ALDH1A1: variants seen among roughly 807,000 people sequenced by gnomAD.
ALDH1A1 encodes the protein aldehyde dehydrogenase 1A1.
A neutral mutation model predicts 62.1 loss-of-function variants in ALDH1A1; 19 were observed. The ratio of observed to expected loss-of-function variants is 0.31; its 90% CI spans 0.21 to 0.45. ALDH1A1 has a LOEUF of 0.45. Ranked by LOEUF, ALDH1A1 falls within the 20% of genes least tolerant of loss-of-function variation. The probability of loss-of-function intolerance (pLI) is 1.00; values close to 1 mark genes in which losing one functional copy is unlikely to be tolerated. For missense variants in ALDH1A1, 521 were observed against 607.1 expected (o/e 0.86, Z 1.49); for synonymous variants, 231 against 215.9 (o/e 1.07, Z -0.61).
At chr9:72,944,576 A>G (rs563167886) in intron 1 of ALDH1A1, among the ~76,000 whole-genome samples, 1 of 152,166 alleles carries the variant, frequency 6.6e-6, no homozygotes, top group Admixed American at 6.6e-5. Flanking sequence ...TCCTATAGTT[A>G]TATTAATGGT....
chr9:72,918,722 T>C lies in ALDH1A1; in HGVS notation c.848A>G (p.Asp283Gly), dbSNP rs999062672. 4 of 1,594,088 alleles carry C rather than the reference T, an allele frequency of 2.5e-6. No homozygotes were observed. The change falls in exon 8 of 13, where the codon GAC (aspartate) becomes GGC (glycine). Residue 283 changes from aspartate (D) to glycine (G), a missense_variant and splice_region_variant. By Grantham distance (94) the Asp-to-Gly change is moderately conservative. Coordinates refer to ENST00000297785, the MANE Select transcript of ALDH1A1 (RefSeq NM_000689.5). Reference protein sequence around the residue: ...KSPCIVLADADLDNAVEFAHH... With the variant: ...KSPCIVLADAGLDNAVEFAHH... Reference sequence around the variant, plus strand: ...TTAACAAAGTGGTTTCTACTCACAGTCGGCATCAGCTAACACAATGCAAGG... The same window carrying C: ...TTAACAAAGTGGTTTCTACTCACAGCCGGCATCAGCTAACACAATGCAAGG...
At chr9:72,901,546 CT>C (rs1229794856) in intron 12 of ALDH1A1, among the ~76,000 whole-genome samples, 1 of 151,986 alleles carries the variant, frequency 6.6e-6, no homozygotes, top group African/African-American at 2.4e-5. Context: ...AAATTGTCCC[CT>C]TTTGACATTA....
In ALDH1A1 at chr9:72,918,788, C is replaced by G. The variant is rs769242934; in HGVS notation, c.782G>C (p.Ser261Thr). Residue 261 changes from serine (S) to threonine (T), a missense_variant, in exon 8 of 13, where the codon AGC becomes ACC. Coordinates refer to ENST00000297785, the MANE Select transcript of ALDH1A1 (RefSeq NM_000689.5). ...GKLIKEAAGK[S>T]NLKRVTLELG... Reference sequence around the variant, plus strand: ...CTCCAGGGTCACCCTCTTCAGATTGCTTTTCCCGGCAGCTTCTTTGATCAA... The same window carrying G: ...CTCCAGGGTCACCCTCTTCAGATTGGTTTTCCCGGCAGCTTCTTTGATCAA... 1 of 1,614,024 alleles carries G rather than the reference C, an allele frequency of 6.2e-7. No homozygotes were observed.
chr9:72,946,074 C>T (rs1444329396), intron 1 of ALDH1A1, among the ~76,000 whole-genome samples: 1 of 151,852 alleles, frequency 6.6e-6, no homozygotes, highest in African/African-American at 2.4e-5. Context: ...ATCACTGTGT[C>T]CTAGAGATGA....
chr9:72,913,976 C>T (rs1830025807), intron 9 of ALDH1A1, among the ~76,000 whole-genome samples: 1 of 152,198 alleles, frequency 6.6e-6, no homozygotes, highest in African/African-American at 2.4e-5. Flanking sequence ...CAGAAGGCAT[C>T]AGGCTGACCA....
At chr9:72,923,528 C>G (rs1370995802) in intron 7 of ALDH1A1, among the ~76,000 whole-genome samples, 1 of 152,066 alleles carries the variant, frequency 6.6e-6, no homozygotes, top group Non-Finnish European at 1.5e-5. Context: ...TTAGGATGGT[C>G]AAGTTCAAGC....
intron 8 of ALDH1A1, among the ~76,000 whole-genome samples, chr9:72,917,640 T>A (rs555196303): frequency 6.6e-6 from 1 of 152,196 alleles, no homozygotes; most frequent in Non-Finnish European, 1.5e-5. Context: ...ACTCACCTTA[T>A]GATTTTATTC....
At position 72,902,766 on chromosome 9, in the gene ALDH1A1, A is replaced by G. The variant is rs1829821580; in HGVS notation, c.1434-1486T>C. On this transcript the variant is annotated intron_variant, in intron 12 of 12. Coordinates refer to ENST00000297785, the MANE Select transcript of ALDH1A1 (RefSeq NM_000689.5). ...CTATATCTACGACATAGCCCCAAAC[A>G]TCTGTTTGGATTTCTCTTCATCTTA... 5.9e-5 allele frequency among the ~76,000 whole-genome samples: 9 copies of G among 152,034 alleles called. No individual in the cohort carries two copies. The South Asian group carries it at 1.9e-3, about 32-fold the overall frequency.
chr9:72,939,093 A>G (rs1169764431), intron 2 of ALDH1A1, among the ~76,000 whole-genome samples: 1 of 152,150 alleles, frequency 6.6e-6, no homozygotes, highest in South Asian at 2.1e-4. Context: ...TAGCCCTACT[A>G]GGCACAGGTT....
chr9:72,936,773 A>G (rs1830351658), intron 2 of ALDH1A1, among the ~76,000 whole-genome samples: 1 of 152,254 alleles, frequency 6.6e-6, no homozygotes, highest in Non-Finnish European at 1.5e-5. Context: ...TGATCACCAC[A>G]GTACAGTTTT....
rs541994018 is a variant in ALDH1A1, at chr9:72,901,049, C to T, written c.*159G>A. On this transcript the variant is annotated 3_prime_UTR_variant, in exon 13 of 13. Coordinates refer to ENST00000297785, the MANE Select transcript of ALDH1A1 (RefSeq NM_000689.5). ...CAAATAATTCTTTCAGAAGAAGCTACATGTCAAGTTTTCTATGGGTAGTAT... is the reference window on the plus strand; with the variant it reads ...CAAATAATTCTTTCAGAAGAAGCTATATGTCAAGTTTTCTATGGGTAGTAT... The T allele has an allele frequency of 1.3e-4, 63 of 482,050 alleles. No homozygotes were observed. The Admixed American group carries it at 1.4e-3, about 10-fold the overall frequency. The allele number at this position is 482,050 out of a possible 1,614,324, so 29.9% of individuals were successfully genotyped here.
intron 9 of ALDH1A1, among the ~76,000 whole-genome samples, chr9:72,914,828 G>A (rs980030978): frequency 1.3e-5 from 2 of 151,624 alleles, no homozygotes; most frequent in Admixed American, 1.3e-4. Flanking sequence ...AAAACAAATC[G>A]TTTTGACCAT....
chr9:72,937,408 G>A (rs542476147), intron 2 of ALDH1A1, among the ~76,000 whole-genome samples: 4 of 152,286 alleles, frequency 2.6e-5, no homozygotes, highest in Non-Finnish European at 5.9e-5. Flanking sequence ...GTCTGCTTGA[G>A]AAGGTTAGAG....
intron 9 of ALDH1A1, among the ~76,000 whole-genome samples, chr9:72,914,205 T>C (rs1441354879): frequency 6.6e-6 from 1 of 152,142 alleles, no homozygotes; most frequent in Non-Finnish European, 1.5e-5. Context: ...AGAAGATGAA[T>C]TGGGAAAAAG....
intron 2 of ALDH1A1, among the ~76,000 whole-genome samples, chr9:72,937,151 G>C (rs574538926): frequency 1.3e-5 from 2 of 152,112 alleles, no homozygotes; most frequent in South Asian, 4.2e-4. Context: ...TTCAACACTT[G>C]ATGAAAAAGA....
chr9:72,934,920 C>T (rs1037402527), intron 2 of ALDH1A1, among the ~76,000 whole-genome samples: 3 of 140,946 alleles, frequency 2.1e-5, no homozygotes, highest in Non-Finnish European at 3.2e-5. Context: ...CTAATAATGA[C>T]CTCCTTTGCA....
chr9:72,912,241 A>C (rs1830001685), intron 9 of ALDH1A1, 119 bp from the exon 10 acceptor site: 2 of 742,096 alleles, frequency 2.7e-6, no homozygotes, highest in East Asian at 5.4e-5. Flanking sequence ...CCAAATATTG[A>C]ATCGAAACAG....
rs752528220 is a variant in ALDH1A1 at position 72,928,921 on chromosome 9, T to A, written c.413A>T (p.Asp138Val). The A allele has an allele frequency of 6.2e-7, 1 of 1,613,970 alleles. No homozygotes were observed. The highest frequency in any genetic ancestry group is 8.5e-7 in the Non-Finnish European group (1 of 1,179,902). ...TGGTATTGTACGGCCCTGGATCTTG[T>A]CAGCCCAACCTGCACAGTAGCGCAA... is the stretch of plus-strand genomic sequence containing the variant. ...KTLRYCAGWA[D>V]KIQGRTIPID... Residue 138 changes from aspartate to valine, a missense_variant, in exon 4 of 13, where the codon GAC becomes GTC. By Grantham distance (152) the Asp-to-Val change is radical. Transcript: ENST00000297785.
chr9:72,922,288 T>C (rs1830154614), intron 7 of ALDH1A1, among the ~76,000 whole-genome samples: 1 of 152,198 alleles, frequency 6.6e-6, no homozygotes, highest in Non-Finnish European at 1.5e-5. Context: ...TACTTAACTT[T>C]TTAAAGACAC....
Sources: allele counts gnomAD v4.1 joint callset (sites outside exome capture counted in the v4.1 genomes callset), GRCh38; gene constraint gnomAD v4.1.1; transcripts MANE v1.5; gene names NCBI Gene and HGNC (gene_info 2026-07-23, HGNC 2026-07-21).